The following C8orf34 variants were observed in gnomAD, a reference collection of about 807,000 sequenced individuals.
C8orf34 encodes the protein uncharacterized protein C8orf34.
In C8orf34, 65 loss-of-function variants were observed where a neutral mutation model predicts 68.3. The ratio of observed to expected loss-of-function variants is 0.95; its 90% CI spans 0.78 to 1.17. The LOEUF is 1.17. C8orf34 is among the 50% of genes most tolerant of loss of function. C8orf34 has a pLI of 0.00. For synonymous variants in C8orf34, 244 were observed against 241.2 expected (o/e 1.01, Z -0.11); for missense variants, 664 against 655.4 (o/e 1.01, Z -0.14).
At chr8:68,406,246 GTCTT>G (rs1809187960) in intron 1 of C8orf34, among the ~76,000 whole-genome samples, 1 of 152,100 alleles carries the variant, frequency 6.6e-6, no homozygotes, top group East Asian at 1.9e-4. Context: ...CGTAGTTTTG[GTCTT>G]TCTTATATGA....
chr8:68,786,341 T>C (rs1251794600), intron 11 of C8orf34, among the ~76,000 whole-genome samples: 1 of 152,164 alleles, frequency 6.6e-6, no homozygotes, highest in Non-Finnish European at 1.5e-5. Context: ...TATGAATGTT[T>C]ACCTAGTAAG....
chr8:68,728,314 G>A (rs539579049), intron 10 of C8orf34, among the ~76,000 whole-genome samples: 11 of 152,160 alleles, frequency 7.2e-5, no homozygotes, highest in African/African-American at 1.4e-4. Flanking sequence ...TTTCCATGTC[G>A]CTATCAGCAT....
chr8:68,618,505 A>G (rs1249297222), intron 7 of C8orf34, among the ~76,000 whole-genome samples: 1 of 152,036 alleles, frequency 6.6e-6, no homozygotes, highest in Non-Finnish European at 1.5e-5. Context: ...GCACAACACA[A>G]CGCTCTACTA....
intron 8 of C8orf34, among the ~76,000 whole-genome samples, chr8:68,689,425 T>G (rs529229142): frequency 1.1e-4 from 16 of 151,990 alleles, no homozygotes; most frequent in African/African-American, 3.4e-4. Flanking sequence ...AATTGAAAAA[T>G]AACGCTTAAA....
intron 1 of C8orf34, among the ~76,000 whole-genome samples, chr8:68,413,360 A>G (rs1809526484): frequency 6.6e-6 from 1 of 152,210 alleles, no homozygotes; most frequent in Non-Finnish European, 1.5e-5. Context: ...TATTTTGTTC[A>G]CTGACTATCT....
At chr8:68,708,956 A>G (rs903462743) in intron 8 of C8orf34, 38 bp from the exon 9 acceptor site, 3 of 1,449,052 alleles carry the variant, frequency 2.1e-6, no homozygotes, top group South Asian at 1.2e-5. Flanking sequence ...ACAATTTAAC[A>G]TTATGAGATG....
chr8:68,513,017 G>T (rs944634953), intron 5 of C8orf34, among the ~76,000 whole-genome samples: 1 of 152,170 alleles, frequency 6.6e-6, no homozygotes, highest in African/African-American at 2.4e-5. Context: ...TACCAATTGT[G>T]AAGCCGGCAC....
intron 10 of C8orf34, among the ~76,000 whole-genome samples, chr8:68,758,572 C>T (rs1312920947): frequency 6.6e-6 from 1 of 152,054 alleles, no homozygotes; most frequent in Non-Finnish European, 1.5e-5. Flanking sequence ...TCATTAAGGA[C>T]TATCTATCTC....
intron 10 of C8orf34, among the ~76,000 whole-genome samples, chr8:68,729,218 G>C (rs1361470571): frequency 6.6e-6 from 1 of 151,878 alleles, no homozygotes; most frequent in Non-Finnish European, 1.5e-5. Context: ...TTTTTATTTG[G>C]CCAATGCAGT....
rs1824882887 is a variant in C8orf34 at position 68,818,365 on chromosome 8, T to C, written c.*119T>C. The C allele has an allele frequency of 1.7e-6, 2 of 1,170,122 alleles. No homozygotes were observed. Among genetic ancestry groups the C allele is most frequent in the Non-Finnish European group, 2.5e-6 (2 of 797,784 alleles). The allele number at this position is 1,170,122 out of a possible 1,614,324, so 72.5% of individuals were successfully genotyped here. A position where few individuals can be genotyped will look rare whatever the true frequency, so the allele number is the denominator to read the frequency against. On this transcript the variant is annotated 3_prime_UTR_variant, in exon 14 of 14. Transcript: ENST00000518698. ...TTAGAGAATGGTTATTTTTATAATC[T>C]CAATAATAAACAAGTACTATCGTAG...
chr8:68,462,960 A>G lies in C8orf34; in HGVS notation c.608-5732A>G, dbSNP rs548874783. Among the ~76,000 whole-genome samples, 3 of 152,310 alleles carry G rather than the reference A, an allele frequency of 2.0e-5. No homozygotes were observed. The South Asian group carries it at 6.2e-4, about 32-fold the overall frequency. On this transcript the variant is annotated intron_variant, in intron 3 of 13. Transcript: ENST00000518698. ...TAAAATCAGAGCAGAACTGAAGGAA[A>G]TAGAGACACAGAAAACCCTTCAAAA...
intron 10 of C8orf34, among the ~76,000 whole-genome samples, chr8:68,754,096 A>G (rs1168468753): frequency 1.1e-5 from 1 of 89,866 alleles, no homozygotes; most frequent in Non-Finnish European, 2.1e-5. Flanking sequence ...GATTAACTGG[A>G]AAAAAAAATC....
intron 7 of C8orf34, among the ~76,000 whole-genome samples, chr8:68,576,886 A>C (rs1011391010): frequency 3.3e-5 from 5 of 152,058 alleles, no homozygotes; most frequent in African/African-American, 1.2e-4. Context: ...AAATGCACAC[A>C]AACCAATTAA....
At chr8:68,517,370 CT>C in intron 5 of C8orf34, among the ~76,000 whole-genome samples, 1 of 152,212 alleles carries the variant, frequency 6.6e-6, no homozygotes, top group East Asian at 1.9e-4. Flanking sequence ...GTGCTCTTTG[CT>C]TCCATTTTTT....
chr8:68,379,086 A>C (rs966089705), intron 1 of C8orf34, among the ~76,000 whole-genome samples: 2 of 152,238 alleles, frequency 1.3e-5, no homozygotes, highest in African/African-American at 2.4e-5. Flanking sequence ...TACTATGTGA[A>C]CAAAATGAAC....
At chr8:68,491,808 C>T (rs560061953) in intron 5 of C8orf34, among the ~76,000 whole-genome samples, 2 of 152,162 alleles carry the variant, frequency 1.3e-5, no homozygotes, top group South Asian at 4.1e-4. Flanking sequence ...TCTGGGAAGT[C>T]GTGATTCTGC....
chr8:68,521,326 T>C (rs577277722), intron 5 of C8orf34, among the ~76,000 whole-genome samples: 65 of 152,356 alleles, frequency 4.3e-4, no homozygotes, highest in Non-Finnish European at 7.8e-4. Flanking sequence ...TTCGAATTTC[T>C]ACTGGATCCT....
At chr8:68,494,005 C>A (rs776239437) in intron 5 of C8orf34, among the ~76,000 whole-genome samples, 1 of 152,128 alleles carries the variant, frequency 6.6e-6, no homozygotes, top group Non-Finnish European at 1.5e-5. Flanking sequence ...ATGAAGCCAT[C>A]CCACTTCTAA....
At chr8:68,501,261 C>A (rs1813759970) in intron 5 of C8orf34, among the ~76,000 whole-genome samples, 1 of 152,178 alleles carries the variant, frequency 6.6e-6, no homozygotes, top group South Asian at 2.1e-4. Context: ...ACACAGCCAA[C>A]AACCATCTCA....
Sources: gnomAD v4.1 joint callset for allele counts (sites outside exome capture counted in the v4.1 genomes callset) on GRCh38, gnomAD v4.1.1 for gene constraint, MANE v1.5 for transcripts, NCBI Gene and HGNC (gene_info 2026-07-23, HGNC 2026-07-21) for gene names.